Variants in CCDC7 observed in about 807,000 individuals in gnomAD.
The protein encoded by CCDC7 is coiled-coil domain-containing protein 7.
In CCDC7, 183 loss-of-function variants were observed where a neutral mutation model predicts 196.9. The observed-to-expected ratio is 0.93, with a 90% CI of 0.82 to 1.05. The LOEUF (loss-of-function observed/expected upper bound fraction) is 1.05, where lower values mean the gene tolerates loss of function less well. Among genes scored for constraint, CCDC7 ranks in the 50% least tolerant of loss-of-function variants. CCDC7 has a pLI of 0.00. For missense variants in CCDC7, 1,540 were observed against 1,482.2 expected, an observed-to-expected ratio of 1.04 and a Z score of -0.64; for synonymous variants, 525 against 484.6, an observed-to-expected ratio of 1.08 and a Z score of -1.10.
intron 29 of CCDC7, among the ~76,000 whole-genome samples, chr10:32,793,493 G>A (rs1235092782): frequency 6.6e-6 from 1 of 152,006 alleles, no homozygotes; most frequent in African/African-American, 2.4e-5. Context: ...AGTCTTATGT[G>A]TTTTGATATT....
intron 18 of CCDC7, among the ~76,000 whole-genome samples, chr10:32,614,039 C>CT (rs1165571465): frequency 6.6e-6 from 1 of 152,128 alleles, no homozygotes; most frequent in Non-Finnish European, 1.5e-5. Flanking sequence ...GTATGGGAGT[C>CT]TAAGTCTCTT....
At chr10:32,487,038 T>A (rs2041250778) in intron 8 of CCDC7, among the ~76,000 whole-genome samples, 2 of 152,180 alleles carry the variant, frequency 1.3e-5, no homozygotes, top group Admixed American at 1.3e-4. Context: ...AATGTTGGCC[T>A]GCCTTGCTAG....
At chr10:32,649,748 A>G (rs1206039870) in intron 20 of CCDC7, among the ~76,000 whole-genome samples, 1 of 152,184 alleles carries the variant, frequency 6.6e-6, no homozygotes, top group East Asian at 1.9e-4. Context: ...GACTGAGTTG[A>G]TTCATAGAAC....
intron 28 of CCDC7, among the ~76,000 whole-genome samples, chr10:32,758,426 G>A (rs774606393): frequency 6.6e-6 from 1 of 152,120 alleles, no homozygotes; most frequent in Non-Finnish European, 1.5e-5. Flanking sequence ...TCATCCCTGC[G>A]ATGGAAGGCT....
At chr10:32,805,150 A>G in intron 30 of CCDC7, 52 bp downstream of exon 31, 1 of 1,327,134 alleles carries the variant, frequency 7.5e-7, no homozygotes, top group South Asian at 1.2e-5. Context: ...TCTCCTTCAA[A>G]GTTTAAGTGT....
intron 24 of CCDC7, among the ~76,000 whole-genome samples, chr10:32,702,534 G>T (rs1358973328): frequency 2.0e-5 from 3 of 152,120 alleles, no homozygotes; most frequent in South Asian, 2.1e-4. Context: ...TGTCTATTAG[G>T]TCCGCTTGGT....
intron 25 of CCDC7, 133 bp from the exon 27 acceptor site, chr10:32,726,601 C>T (rs763789286): frequency 4.1e-6 from 2 of 487,240 alleles, no homozygotes; most frequent in Non-Finnish European, 7.3e-6. Flanking sequence ...TGGTGATTTA[C>T]TTATAATTTT....
chr10:32,725,194 A>G (rs1403286711), intron 25 of CCDC7, among the ~76,000 whole-genome samples: 1 of 152,032 alleles, frequency 6.6e-6, no homozygotes, highest in Non-Finnish European at 1.5e-5. Context: ...TTGTATGTAT[A>G]TATCCTTTCT....
intron 29 of CCDC7, among the ~76,000 whole-genome samples, chr10:32,790,345 T>C (rs2082500223): frequency 6.6e-6 from 1 of 152,202 alleles, no homozygotes; most frequent in Non-Finnish European, 1.5e-5. Flanking sequence ...CCCCACACTC[T>C]TGCATTCTGC....
chr10:32,479,538 G>C (rs985725257), intron 8 of CCDC7, among the ~76,000 whole-genome samples: 8 of 151,870 alleles, frequency 5.3e-5, no homozygotes, highest in Non-Finnish European at 7.4e-5. Context: ...AACCATCTTT[G>C]CACCCCAGGG....
rs185006505 is a variant in CCDC7 at position 32,485,652 on chromosome 10, C to T, written c.797-6270C>T. On this transcript the variant is annotated intron_variant, in intron 8 of 41. Transcript: ENST00000639629. ...GGCATTTAGTGCTATAAATTTCCCT[C>T]TACACACTGCTTTGAATGTGTCCCA... 2.6e-4 allele frequency among the ~76,000 whole-genome samples: 39 copies of T among 152,312 alleles called. No individual in the cohort carries two copies. In the East Asian group the frequency reaches 7.1e-3, roughly 28 times the overall value.
At chr10:32,585,711 T>A (rs35538955) in intron 18 of CCDC7, among the ~76,000 whole-genome samples, 3 of 152,194 alleles carry the variant, frequency 2.0e-5, no homozygotes, top group South Asian at 2.1e-4. Flanking sequence ...GAACTCATCC[T>A]TTTTATGGCT....
chr10:32,444,854 T>C (rs2030603157), upstream of CCDC7, among the ~76,000 whole-genome samples: 1 of 151,678 alleles, frequency 6.6e-6, no homozygotes, highest in African/African-American at 2.4e-5. Context: ...CTTCATGTTT[T>C]TTTTTTTTTT....
chr10:32,770,288 A>G (rs1353815376), intron 28 of CCDC7, among the ~76,000 whole-genome samples: 1 of 152,194 alleles, frequency 6.6e-6, no homozygotes, highest in Non-Finnish European at 1.5e-5. Context: ...CTTTTGCTGT[A>G]TTCAAGAGGT....
chr10:32,859,861 A>G (rs1037744708), intron 41 of CCDC7, among the ~76,000 whole-genome samples: 3 of 152,344 alleles, frequency 2.0e-5, no homozygotes, highest in African/African-American at 7.2e-5. Flanking sequence ...AGACTAAACC[A>G]GGAAGAGGTC....
intron 32 of CCDC7, among the ~76,000 whole-genome samples, chr10:32,824,969 G>T (rs1214648801): frequency 2.0e-5 from 3 of 152,190 alleles, no homozygotes; most frequent in Non-Finnish European, 2.9e-5. Context: ...AACTGATAAT[G>T]ATTTCATCGG....
chr10:32,687,797 A>G (rs1026948110), intron 22 of CCDC7, among the ~76,000 whole-genome samples: 1 of 152,190 alleles, frequency 6.6e-6, no homozygotes, highest in African/African-American at 2.4e-5. Context: ...TCTCTGATTC[A>G]TCTTAAGATC....
intron 9 of CCDC7, among the ~76,000 whole-genome samples, chr10:32,506,829 G>T (rs2045255096): frequency 1.3e-5 from 2 of 152,038 alleles, no homozygotes; most frequent in African/African-American, 4.8e-5. Flanking sequence ...TCCAGGCTTG[G>T]CAAGAGAGGG....
At chr10:32,563,990 G>A (rs1473913596) in intron 13 of CCDC7, among the ~76,000 whole-genome samples, 3 of 152,190 alleles carry the variant, frequency 2.0e-5, no homozygotes, top group Admixed American at 2.0e-4. Context: ...AGTGGGCCAA[G>A]GACATGAGCA....
Sources: gnomAD v4.1 joint callset for allele counts (sites outside exome capture counted in the v4.1 genomes callset) on GRCh38, gnomAD v4.1.1 for gene constraint, MANE v1.5 for transcripts, NCBI Gene and HGNC (gene_info 2026-07-23, HGNC 2026-07-21) for gene names.